The following PSMA1 variants were observed in gnomAD, a reference collection of about 807,000 sequenced individuals.
PSMA1 encodes the protein proteasome subunit alpha type-1.
A neutral mutation model predicts 38.4 loss-of-function variants in PSMA1; 3 were observed. That is an observed-to-expected ratio of 0.08 (90% CI 0.04 to 0.20). PSMA1 has a LOEUF of 0.20. Ranked by LOEUF, PSMA1 falls within the 10% of genes least tolerant of loss-of-function variation. PSMA1 has a pLI of 1.00. For synonymous variants in PSMA1, 101 were observed against 107.1 expected, an observed-to-expected ratio of 0.94 and a Z score of 0.35; for missense variants, 227 against 325.3, an observed-to-expected ratio of 0.70 and a Z score of 2.32.
At chr11:14,527,597 C>A (rs1209981672) in intron 2 of PSMA1, among the ~76,000 whole-genome samples, 1 of 152,170 alleles carries the variant, frequency 6.6e-6, no homozygotes, top group Non-Finnish European at 1.5e-5. Context: ...TTTGCCCCCG[C>A]CCAGGACTGG....
intron 2 of PSMA1, among the ~76,000 whole-genome samples, chr11:14,568,527 A>T (rs1411673826): frequency 6.6e-6 from 1 of 152,192 alleles, no homozygotes; most frequent in Non-Finnish European, 1.5e-5. Flanking sequence ...ACTCAGATGG[A>T]ATTTCACAGT....
chr11:14,509,851 G>A (rs1337893400), intron 8 of PSMA1, among the ~76,000 whole-genome samples: 2 of 151,692 alleles, frequency 1.3e-5, no homozygotes, highest in South Asian at 2.1e-4. Context: ...AGCCTCCCGA[G>A]TAGCTGGGAC....
At chr11:14,634,106 G>C (rs1327325082) in intron 1 of PSMA1, among the ~76,000 whole-genome samples, 1 of 152,102 alleles carries the variant, frequency 6.6e-6, no homozygotes, top group Admixed American at 6.6e-5. Flanking sequence ...CTTCTGCGTC[G>C]CTCACACTGA....
At chr11:14,555,393 A>AT (rs1002756025) in intron 2 of PSMA1, among the ~76,000 whole-genome samples, 4 of 151,860 alleles carry the variant, frequency 2.6e-5, no homozygotes, top group East Asian at 1.9e-4. Flanking sequence ...CCTCTTTAAA[A>AT]TTTTTTTTGC....
intron 2 of PSMA1, among the ~76,000 whole-genome samples, chr11:14,574,067 A>C (rs1380639333): frequency 6.6e-6 from 1 of 152,236 alleles, no homozygotes; most frequent in African/African-American, 2.4e-5. Context: ...AAAGAGAAGC[A>C]GAGTATAAAA....
In PSMA1 at chr11:14,603,806, CAG is replaced by C. The variant is rs1467418784; in HGVS notation, c.21+7158_21+7159del. 3.9e-5 allele frequency among the ~76,000 whole-genome samples: 6 copies of C among 152,236 alleles called. No individual in the cohort carries two copies. In the East Asian group the frequency reaches 1.2e-3, roughly 29 times the overall value. ...TGCAGAAATGTAGTGACAGGGAAAACAGATCTATAAAATTATGAATTGGAAAT... is the reference window on the plus strand; with the variant it reads ...TGCAGAAATGTAGTGACAGGGAAAACATCTATAAAATTATGAATTGGAAAT... On this transcript the variant is annotated intron_variant, in intron 2 of 10. Coordinates refer to the PSMA1 transcript ENST00000418988.
intron 1 of PSMA1, among the ~76,000 whole-genome samples, chr11:14,613,099 G>T (rs1422446547): frequency 6.6e-6 from 1 of 151,696 alleles, no homozygotes; most frequent in Non-Finnish European, 1.5e-5. Context: ...TTTGAATAGA[G>T]GATTTTAACA....
At chr11:14,512,401 C>T (rs557965205) in intron 7 of PSMA1, among the ~76,000 whole-genome samples, 30 of 151,960 alleles carry the variant, frequency 2.0e-4, no homozygotes, top group Admixed American at 1.0e-3. Flanking sequence ...GAATTAAATA[C>T]CTAAATAAAT....
At chr11:14,532,014 T>A (rs1017178244) in intron 2 of PSMA1, among the ~76,000 whole-genome samples, 1 of 152,174 alleles carries the variant, frequency 6.6e-6, no homozygotes, top group Middle Eastern at 3.2e-3. Flanking sequence ...TCTCTTCAGT[T>A]ACCCCTTTGG....
intron 1 of PSMA1, among the ~76,000 whole-genome samples, chr11:14,629,164 G>T (rs1367300731): frequency 1.2e-4 from 19 of 152,182 alleles, no homozygotes; most frequent in African/African-American, 3.6e-4. Flanking sequence ...AGAAGCTCTT[G>T]AGTTTAATTA....
chr11:14,586,417 G>A (rs1307562554), intron 2 of PSMA1, among the ~76,000 whole-genome samples: 2 of 151,854 alleles, frequency 1.3e-5, no homozygotes, highest in East Asian at 3.9e-4. Context: ...GGGCGACCAA[G>A]TGAGACTCTG....
chr11:14,548,415 GGTGT>G (rs141720784), intron 2 of PSMA1, among the ~76,000 whole-genome samples: 1 of 151,474 alleles, frequency 6.6e-6, no homozygotes, highest in Non-Finnish European at 1.5e-5. Flanking sequence ...TGTACACACA[GGTGT>G]GTGTGTGTGT....
intron 7 of PSMA1, among the ~76,000 whole-genome samples, chr11:14,511,833 T>C (rs1266823343): frequency 1.3e-5 from 2 of 152,178 alleles, no homozygotes; most frequent in African/African-American, 4.8e-5. Flanking sequence ...AAAGTAAAAC[T>C]ATCTCTATTC....
intron 2 of PSMA1, among the ~76,000 whole-genome samples, chr11:14,546,191 A>T (rs113933007): frequency 0.023 from 3,420 of 151,012 alleles, 164 homozygotes; most frequent in African/African-American, 0.079. Flanking sequence ...TGGAAGAGAT[A>T]GAGTTTTTAT....
intron 2 of PSMA1, among the ~76,000 whole-genome samples, chr11:14,529,653 G>A (rs1028763498): frequency 1.3e-5 from 2 of 152,204 alleles, no homozygotes; most frequent in Admixed American, 6.5e-5. Context: ...GTTGACACTT[G>A]TAACTTTATG....
intron 9 of PSMA1, among the ~76,000 whole-genome samples, chr11:14,506,511 C>T (rs1192345821): frequency 1.3e-5 from 2 of 152,052 alleles, no homozygotes; most frequent in Non-Finnish European, 2.9e-5. Context: ...TTCTTTTTTA[C>T]TTTCAATTAC....
intron 2 of PSMA1, among the ~76,000 whole-genome samples, chr11:14,604,120 T>C (rs1265734041): frequency 1.3e-5 from 2 of 152,224 alleles, no homozygotes; most frequent in African/African-American, 2.4e-5. Flanking sequence ...AATATTCATA[T>C]TCATTCTTAG....
chr11:14,557,734 C>A (rs1319688621), intron 2 of PSMA1, among the ~76,000 whole-genome samples: 10 of 152,152 alleles, frequency 6.6e-5, no homozygotes, highest in Non-Finnish European at 1.3e-4. Flanking sequence ...TTTGACCCAG[C>A]CTTTCATGAG....
rs1852243418 is a variant in PSMA1, at chr11:14,578,268, C to T, written c.21+32698G>A. ...AATCTGGAGTTCTGGTCAAGTTTAACCCTATTGTTTGTTGTCCTGCTGGCC... is the reference window on the plus strand; with the variant it reads ...AATCTGGAGTTCTGGTCAAGTTTAATCCTATTGTTTGTTGTCCTGCTGGCC... On this transcript the variant is annotated intron_variant, in intron 2 of 10. Transcript: ENST00000418988. 2.0e-5 allele frequency among the ~76,000 whole-genome samples: 3 copies of T among 152,218 alleles called. No individual in the cohort carries two copies. The South Asian group carries it at 6.2e-4, about 32-fold the overall frequency.
Sources: gnomAD v4.1 joint callset for allele counts (sites outside exome capture counted in the v4.1 genomes callset) on GRCh38, gnomAD v4.1.1 for gene constraint, MANE v1.5 for transcripts, NCBI Gene and HGNC (gene_info 2026-07-23, HGNC 2026-07-21) for gene names.